The following SSPN variants were observed in gnomAD, a reference collection of about 807,000 sequenced individuals.
SSPN encodes the protein sarcospan.
In SSPN, 15 loss-of-function variants were observed where a neutral mutation model predicts 19.1. That is an observed-to-expected ratio of 0.78 (90% CI 0.52 to 1.21). The LOEUF (loss-of-function observed/expected upper bound fraction) is 1.21. Among genes scored for constraint, SSPN ranks in the 50% most tolerant of loss-of-function variants. The pLI is 0.00. For missense variants in SSPN, 291 were observed against 314.0 expected (o/e 0.93, Z 0.55); for synonymous variants, 147 against 140.3 (o/e 1.05, Z -0.34).
chr12:26,232,737 C>G lies in SSPN; in HGVS notation c.*1661C>G. 1 of 983,348 alleles carries G rather than the reference C, an allele frequency of 1.0e-6. No homozygotes were observed. Among genetic ancestry groups the G allele is most frequent in the Non-Finnish European group, 1.2e-6 (1 of 828,346 alleles). 60.9% of individuals were successfully genotyped at this position (983,348 alleles called of 1,614,324 possible). Reference sequence around the variant, plus strand: ...CTTTTATGTCCTCTAGATAAAACACCCGATTAACAGATGTTAAACCTTTTA... The same window carrying G: ...CTTTTATGTCCTCTAGATAAAACACGCGATTAACAGATGTTAAACCTTTTA... On this transcript the variant is annotated 3_prime_UTR_variant, in exon 3 of 3. Coordinates refer to ENST00000242729, the MANE Select transcript of SSPN (RefSeq NM_005086.5).
intron 1 of SSPN, among the ~76,000 whole-genome samples, chr12:26,142,402 G>C (rs1389170766): frequency 6.6e-6 from 1 of 152,156 alleles, no homozygotes; most frequent in East Asian, 1.9e-4. Flanking sequence ...TATTTTAGAG[G>C]TGCGTTCCAT....
At chr12:26,198,315 C>T (rs116341853) in intron 1 of SSPN, among the ~76,000 whole-genome samples, 419 of 152,272 alleles carry the variant, frequency 2.8e-3, no homozygotes, top group African/African-American at 9.1e-3. Flanking sequence ...AGGCGTGCAC[C>T]GCCACACCTA....
At chr12:26,183,791 C>A (rs968222154) in intron 1 of SSPN, among the ~76,000 whole-genome samples, 2 of 152,160 alleles carry the variant, frequency 1.3e-5, no homozygotes, top group Admixed American at 6.5e-5. Context: ...CACTGCCAGT[C>A]GGAGGGTGAT....
At chr12:26,201,216 A>C (rs1278147689) in intron 1 of SSPN, among the ~76,000 whole-genome samples, 1 of 150,914 alleles carries the variant, frequency 6.6e-6, no homozygotes, top group African/African-American at 2.4e-5. Context: ...ATCTCTACCA[A>C]AAATACAAAA....
chr12:26,169,497 T>G (rs1944641596), intron 1 of SSPN, among the ~76,000 whole-genome samples: 2 of 152,126 alleles, frequency 1.3e-5, no homozygotes, highest in Admixed American at 1.3e-4. Flanking sequence ...ACAACAGTCA[T>G]GTAAGCCAGA....
chr12:26,232,311 TG>T lies in SSPN; in HGVS notation c.*1236del. On this transcript the variant is annotated 3_prime_UTR_variant, in exon 3 of 3. Coordinates refer to ENST00000242729, the MANE Select transcript of SSPN (RefSeq NM_005086.5). ...ACTTGGAGGGTAGTTTTAGTTGTTTTGTTTTTAAGTGACTGTGGTTTAAAGC... is the reference window on the plus strand; with the variant it reads ...ACTTGGAGGGTAGTTTTAGTTGTTTTTTTTTAAGTGACTGTGGTTTAAAGC... 1 of 985,458 alleles carries T rather than the reference TG, an allele frequency of 1.0e-6. No homozygotes were observed. The highest frequency in any genetic ancestry group is 1.2e-6 in the Non-Finnish European group (1 of 829,924). 61.0% of individuals were successfully genotyped at this position (985,458 alleles called of 1,614,324 possible). A position where few individuals can be genotyped will look rare whatever the true frequency, so the allele number is the denominator to read the frequency against.
At chr12:26,154,476 C>T (rs769944234) in intron 1 of SSPN, among the ~76,000 whole-genome samples, 1 of 152,156 alleles carries the variant, frequency 6.6e-6, no homozygotes, top group Non-Finnish European at 1.5e-5. Flanking sequence ...TCAGGGGGAT[C>T]CTCCCTGCCT....
intron 1 of SSPN, among the ~76,000 whole-genome samples, chr12:26,167,647 G>A (rs1053638880): frequency 1.3e-5 from 2 of 152,258 alleles, no homozygotes; most frequent in Middle Eastern, 3.4e-3. Context: ...TACCATCTGC[G>A]TAGACCGCAA....
At chr12:26,137,714 G>A (rs1337574390) in intron 1 of SSPN, among the ~76,000 whole-genome samples, 2 of 127,230 alleles carry the variant, frequency 1.6e-5, no homozygotes, top group South Asian at 2.7e-4. Flanking sequence ...GCCTAGGCTG[G>A]AGTACAGTGG....
intron 1 of SSPN, among the ~76,000 whole-genome samples, chr12:26,218,488 T>C (rs1397879386): frequency 2.0e-5 from 3 of 149,434 alleles, no homozygotes; most frequent in Non-Finnish European, 4.5e-5. Flanking sequence ...TAAAGTATAA[T>C]TAAAAAAAAA....
intron 1 of SSPN, among the ~76,000 whole-genome samples, chr12:26,133,872 G>C (rs1438344506): frequency 6.6e-6 from 1 of 152,226 alleles, no homozygotes; most frequent in Non-Finnish European, 1.5e-5. Context: ...AATGAGGACA[G>C]AGTGGAGAAG....
intron 1 of SSPN, among the ~76,000 whole-genome samples, chr12:26,206,243 C>T (rs1269501104): frequency 1.3e-5 from 2 of 152,042 alleles, no homozygotes; most frequent in African/African-American, 2.4e-5. Flanking sequence ...CTGACCTCCT[C>T]ATGTTGAAAA....
intron 1 of SSPN, among the ~76,000 whole-genome samples, chr12:26,216,379 G>A (rs1233235229): frequency 6.6e-6 from 1 of 151,816 alleles, no homozygotes; most frequent in African/African-American, 2.4e-5. Flanking sequence ...CTTCTTTTGA[G>A]AAGTGTCTGT....
At chr12:26,203,252 A>C (rs1944902169) in intron 1 of SSPN, among the ~76,000 whole-genome samples, 1 of 152,236 alleles carries the variant, frequency 6.6e-6, no homozygotes, top group African/African-American at 2.4e-5. Context: ...GGTATAATTC[A>C]CTGCAAAATG....
chr12:26,136,638 G>A (rs544020235), intron 1 of SSPN, among the ~76,000 whole-genome samples: 114 of 152,168 alleles, frequency 7.5e-4, no homozygotes, highest in Non-Finnish European at 1.5e-3. Context: ...GATGAATTGA[G>A]TAACATTTTA....
intron 1 of SSPN, among the ~76,000 whole-genome samples, chr12:26,148,438 T>G (rs192877574): frequency 9.8e-5 from 15 of 152,320 alleles, no homozygotes; most frequent in African/African-American, 3.4e-4. Flanking sequence ...GAACTGAATT[T>G]TTGAGATAAA....
intron 1 of SSPN, among the ~76,000 whole-genome samples, chr12:26,176,957 A>G (rs532319061): frequency 6.6e-6 from 1 of 152,316 alleles, no homozygotes; most frequent in South Asian, 2.1e-4. Context: ...TCCTGATCAA[A>G]TATTTGCCAT....
chr12:26,171,036 TAGTA>T (rs960743745), intron 1 of SSPN, among the ~76,000 whole-genome samples: 1 of 152,198 alleles, frequency 6.6e-6, no homozygotes, highest in African/African-American at 2.4e-5. Context: ...ATCATATAGT[TAGTA>T]AGTGATAGTG....
intron 1 of SSPN, among the ~76,000 whole-genome samples, chr12:26,130,536 A>T (rs1545784): frequency 0.98 from 149,264 of 152,338 alleles, 73,187 homozygotes; most frequent in East Asian, 1. Flanking sequence ...GCTAAAGCGA[A>T]AAATCATATA....
Sources: gnomAD v4.1 joint callset for allele counts (sites outside exome capture counted in the v4.1 genomes callset) on GRCh38, gnomAD v4.1.1 for gene constraint, MANE v1.5 for transcripts, NCBI Gene and HGNC (gene_info 2026-07-23, HGNC 2026-07-21) for gene names.